The following SHTN1 variants were observed in gnomAD, a reference collection of about 807,000 sequenced individuals.
SHTN1 encodes the protein shootin 1.
In SHTN1, 42 loss-of-function variants were observed where a neutral mutation model predicts 83.1. That is an observed-to-expected ratio of 0.51 (90% confidence interval 0.39 to 0.65). The LOEUF (loss-of-function observed/expected upper bound fraction) is 0.65. Ranked by LOEUF, SHTN1 falls within the 30% of genes least tolerant of loss-of-function variation. The pLI is 0.00. For missense variants in SHTN1, 622 were observed against 737.8 expected, an observed-to-expected ratio of 0.84 and a Z score of 1.82; for synonymous variants, 224 against 247.7, an observed-to-expected ratio of 0.90 and a Z score of 0.90.
intron 1 of SHTN1, among the ~76,000 whole-genome samples, chr10:117,121,050 TCTGC>T (rs1400261614): frequency 6.6e-6 from 1 of 152,164 alleles, no homozygotes; most frequent in Non-Finnish European, 1.5e-5. Flanking sequence ...CCTCAGGTGA[TCTGC>T]CTGCCTCAGC....
chr10:116,887,486 A>G (rs1029533063), intron 16 of SHTN1, among the ~76,000 whole-genome samples: 3 of 151,958 alleles, frequency 2.0e-5, no homozygotes, highest in African/African-American at 4.8e-5. Context: ...GTTAACCATG[A>G]CCCGGCACAC....
intron 2 of SHTN1, among the ~76,000 whole-genome samples, chr10:117,011,847 T>C (rs1852108442): frequency 6.6e-6 from 1 of 151,936 alleles, no homozygotes; most frequent in South Asian, 2.1e-4. Flanking sequence ...TGTTCATGAA[T>C]TAGAAAACTC....
intron 8 of SHTN1, among the ~76,000 whole-genome samples, chr10:116,941,757 T>A (rs1198127895): frequency 2.6e-5 from 4 of 152,206 alleles, no homozygotes; most frequent in African/African-American, 4.8e-5. Context: ...CTTTAATGAT[T>A]TATACAATCC....
At chr10:117,111,880 C>T (rs1853772788) in intron 1 of SHTN1, among the ~76,000 whole-genome samples, 1 of 152,176 alleles carries the variant, frequency 6.6e-6, no homozygotes, top group South Asian at 2.1e-4. Flanking sequence ...GCACCTAAGG[C>T]ACCTGTGATG....
chr10:116,886,364 T>C lies in SHTN1; in HGVS notation c.1876A>G (p.Thr626Ala). 2 of 1,554,808 alleles carry C rather than the reference T, an allele frequency of 1.3e-6. No homozygotes were observed. Among genetic ancestry groups the C allele is most frequent in the Non-Finnish European group, 1.7e-6 (2 of 1,148,150 alleles). Residue 626 changes from threonine to alanine, a missense_variant, in exon 17 of 17, where the codon ACA becomes GCA. Thr to Ala is a moderately conservative substitution (Grantham distance 58). Around this residue, in one of 3 missense-constraint regions of SHTN1, gnomAD observed 231 missense variants for 251.6 expected, o/e 0.92. Coordinates refer to ENST00000355371, the MANE Select transcript of SHTN1 (RefSeq NM_001127211.3). ...ATGGATCAGCAGTTGGAGCTGTCTG[T>C]CTCTCTCACGTTTTCAATGCTGTCT... ...KEDSIENVRETDSSNC is the reference protein window; with the variant it reads ...KEDSIENVREADSSNC
intron 1 of SHTN1, among the ~76,000 whole-genome samples, chr10:117,061,163 CT>C (rs1265757746): frequency 3.8e-4 from 24 of 62,344 alleles, no homozygotes; most frequent in African/African-American, 1.7e-3. Flanking sequence ...TTTTTTTTTT[CT>C]GAGGTGGAGT....
chr10:117,005,890 AGAG>A (rs1851998472), upstream of SHTN1, among the ~76,000 whole-genome samples: 1 of 152,174 alleles, frequency 6.6e-6, no homozygotes, highest in African/African-American at 2.4e-5. Flanking sequence ...CCTTCCCTTT[AGAG>A]AGGGTGCCAC....
At chr10:117,024,653 C>T (rs374845534) in intron 2 of SHTN1, among the ~76,000 whole-genome samples, 19 of 152,004 alleles carry the variant, frequency 1.2e-4, no homozygotes, top group Non-Finnish European at 2.4e-4. Flanking sequence ...CCACCGCGCC[C>T]GGCCTACATG....
At chr10:116,986,032 G>A (rs1564915135) in intron 1 of SHTN1, among the ~76,000 whole-genome samples, 1 of 152,032 alleles carries the variant, frequency 6.6e-6, no homozygotes, top group Non-Finnish European at 1.5e-5. Context: ...TTCATTACAT[G>A]GTAAAACACA....
chr10:116,979,633 C>T (rs963787441), intron 1 of SHTN1, among the ~76,000 whole-genome samples: 2 of 152,160 alleles, frequency 1.3e-5, no homozygotes, highest in African/African-American at 4.8e-5. Flanking sequence ...ATGAGCCCAC[C>T]AAACTAAATT....
At chr10:117,120,895 C>T (rs1853914349) in intron 1 of SHTN1, among the ~76,000 whole-genome samples, 1 of 151,786 alleles carries the variant, frequency 6.6e-6, no homozygotes, top group African/African-American at 2.4e-5. Context: ...CTGAAACCTC[C>T]ACCTCCCAGG....
intron 2 of SHTN1, among the ~76,000 whole-genome samples, chr10:117,044,912 G>A (rs946485889): frequency 3.9e-5 from 6 of 152,116 alleles, no homozygotes; most frequent in Non-Finnish European, 4.4e-5. Flanking sequence ...TCATTTTAAA[G>A]CTTAGCTATT....
intron 4 of SHTN1, among the ~76,000 whole-genome samples, chr10:116,957,858 G>T (rs573055251): frequency 1.8e-4 from 28 of 152,098 alleles, no homozygotes; most frequent in Admixed American, 1.6e-3. Context: ...TCAGGAGTTT[G>T]AGACCAGCCT....
At chr10:116,965,541 T>A (rs1313207762) in intron 3 of SHTN1, among the ~76,000 whole-genome samples, 1 of 152,022 alleles carries the variant, frequency 6.6e-6, no homozygotes, top group African/African-American at 2.4e-5. Context: ...GCCTAGTAGG[T>A]TAACGTTACA....
chr10:116,979,360 G>C (rs77216782), intron 1 of SHTN1, 52 bp from the exon 2 acceptor site: 7 of 1,445,230 alleles, frequency 4.8e-6, no homozygotes, highest in Non-Finnish European at 5.8e-6. Context: ...GTTTACTGCA[G>C]GGCAACCTGG....
intron 10 of SHTN1, among the ~76,000 whole-genome samples, chr10:116,928,695 G>T (rs1373409624): frequency 6.6e-6 from 1 of 152,174 alleles, no homozygotes; most frequent in Non-Finnish European, 1.5e-5. Flanking sequence ...CTGTCCATTT[G>T]TATTTACCCT....
chr10:117,031,210 A>G (rs1852409198), intron 2 of SHTN1, among the ~76,000 whole-genome samples: 1 of 152,176 alleles, frequency 6.6e-6, no homozygotes, highest in Non-Finnish European at 1.5e-5. Flanking sequence ...ACATACTTAA[A>G]TTGCTGAAGA....
intron 1 of SHTN1, among the ~76,000 whole-genome samples, chr10:117,003,438 A>G (rs1445252511): frequency 1.3e-5 from 2 of 150,600 alleles, no homozygotes; most frequent in African/African-American, 2.5e-5. Context: ...TAGATGCTGG[A>G]TATCACAGAA....
At chr10:117,009,129 G>T (rs959791174), upstream of SHTN1, among the ~76,000 whole-genome samples, 17 of 151,628 alleles carry the variant, frequency 1.1e-4, no homozygotes, top group African/African-American at 3.4e-4. Context: ...AAAAAGAAAA[G>T]AAAAGAAAAT....
Sources: allele counts gnomAD v4.1 joint callset (sites outside exome capture counted in the v4.1 genomes callset), GRCh38; gene constraint gnomAD v4.1.1; regional missense constraint gnomAD v4.1.1; transcripts MANE v1.5; gene names NCBI Gene and HGNC (gene_info 2026-07-23, HGNC 2026-07-21).